The following COL10A1 variants were observed in gnomAD, a reference collection of about 807,000 sequenced individuals.
COL10A1 encodes collagen type X alpha 1 chain, also known as collagen alpha-1(X) chain.
Under a neutral mutation model 18.2 loss-of-function variants are expected in COL10A1, and 10 were observed. The observed-to-expected ratio is 0.55, with a 90% CI of 0.34 to 0.93. The LOEUF (loss-of-function observed/expected upper bound fraction) is 0.93, where lower values mean the gene tolerates loss of function less well. Among genes scored for constraint, COL10A1 ranks in the 40% least tolerant of loss-of-function variants. The pLI, the probability that COL10A1 is intolerant of heterozygous loss-of-function variation, is 0.02. For synonymous variants in COL10A1, 330 were observed against 316.6 expected (o/e 1.04, Z -0.45); for missense variants, 897 against 853.5 (o/e 1.05, Z -0.64).
At chr6:116,196,247 A>C in the COL10A1 span, among the ~76,000 whole-genome samples, 10 of 151,980 alleles carry the variant, frequency 6.6e-5, no homozygotes, top group African/African-American at 2.4e-4. Context: ...CCATTTTTTA[A>C]CTGATAGATT....
At chr6:116,194,766 G>A in the COL10A1 span, among the ~76,000 whole-genome samples, 7 of 152,136 alleles carry the variant, frequency 4.6e-5, no homozygotes, top group East Asian at 1.4e-3. Context: ...AATGACTAAA[G>A]GTAGTGGCTT....
At chr6:116,203,970 C>T in the COL10A1 span, among the ~76,000 whole-genome samples, 1 of 151,862 alleles carries the variant, frequency 6.6e-6, no homozygotes, top group Admixed American at 6.6e-5. Context: ...TGCCCTGACA[C>T]ACACACGGTG....
chr6:116,163,215 G>A (rs1240015671), upstream of COL10A1, among the ~76,000 whole-genome samples: 2 of 147,772 alleles, frequency 1.4e-5, no homozygotes, highest in Non-Finnish European at 3.0e-5. Flanking sequence ...ATTTGGCTGT[G>A]AATTCCCCTG....
At chr6:116,150,883 C>T (rs1396323717) in intron 1 of COL10A1, among the ~76,000 whole-genome samples, 2 of 151,968 alleles carry the variant, frequency 1.3e-5, no homozygotes, top group Non-Finnish European at 2.9e-5. Context: ...ATACATTGTT[C>T]ATATTTAACC....
chr6:116,200,728 G>A, the COL10A1 span, among the ~76,000 whole-genome samples: 1 of 151,888 alleles, frequency 6.6e-6, no homozygotes, highest in Non-Finnish European at 1.5e-5. Flanking sequence ...CTTATGGATC[G>A]TACTTCATCT....
At chr6:116,169,471 T>C in the COL10A1 span, among the ~76,000 whole-genome samples, 2 of 152,222 alleles carry the variant, frequency 1.3e-5, no homozygotes, top group Non-Finnish European at 2.9e-5. Context: ...CAGAATATCA[T>C]GATAGGTGCC....
chr6:116,127,253 T>C (rs1017038964), upstream of COL10A1, among the ~76,000 whole-genome samples: 10 of 152,138 alleles, frequency 6.6e-5, no homozygotes, highest in African/African-American at 2.4e-4. Context: ...GTCCTTTTTC[T>C]TTTCCCTTTC....
chr6:116,167,789 T>C, the COL10A1 span, among the ~76,000 whole-genome samples: 3 of 152,212 alleles, frequency 2.0e-5, no homozygotes, highest in Non-Finnish European at 4.4e-5. Flanking sequence ...TTGTTATGAA[T>C]AGATATGATT....
the COL10A1 span, among the ~76,000 whole-genome samples, chr6:116,168,245 G>A: frequency 6.6e-6 from 1 of 151,614 alleles, no homozygotes; most frequent in African/African-American, 2.4e-5. Flanking sequence ...TCATATTTTA[G>A]AAGATATTTT....
rs769241256 is a variant in COL10A1, at chr6:116,121,114, T to C, written c.1002A>G (p.Pro334=). The change falls in exon 3 of 3, where the codon CCA becomes CCG. Residue 334 remains proline (P), a synonymous_variant. Transcript: ENST00000651968. ...TATTCCCAGGGGGTCCAGTCAGACC[T>C]GGCTTCCCAGGAAGACCTGCTGGCC... is the stretch of plus-strand genomic sequence containing the variant. The part of the protein sequence containing the change: ...EQGPAGLPGK[P]GLTGPPGNMG... 1.7e-5 allele frequency: 28 copies of C among 1,613,594 alleles called. No individual in the cohort carries two copies. Among genetic ancestry groups the C allele is most frequent in the Admixed American group, 8.3e-5 (5 of 59,990 alleles).
At chr6:116,181,033 AT>A in the COL10A1 span, among the ~76,000 whole-genome samples, 1 of 151,976 alleles carries the variant, frequency 6.6e-6, no homozygotes, top group Non-Finnish European at 1.5e-5. Flanking sequence ...ACTTAAAGGT[AT>A]TTTGGGATGA....
At chr6:116,207,037 A>G in the COL10A1 span, among the ~76,000 whole-genome samples, 1 of 151,978 alleles carries the variant, frequency 6.6e-6, no homozygotes, top group African/African-American at 2.4e-5. Context: ...CTTATGTCAT[A>G]TGCTTTCTTA....
At chr6:116,200,523 T>C in the COL10A1 span, among the ~76,000 whole-genome samples, 1 of 152,070 alleles carries the variant, frequency 6.6e-6, no homozygotes, top group Non-Finnish European at 1.5e-5. Flanking sequence ...TTGTAATTTT[T>C]CTGTCCATCT....
At chr6:116,135,242 T>A (rs1779559583) in intron 1 of COL10A1, among the ~76,000 whole-genome samples, 2 of 152,176 alleles carry the variant, frequency 1.3e-5, no homozygotes, top group Non-Finnish European at 1.5e-5. Context: ...ATGTTATTAT[T>A]TGGGTTGTGA....
At chr6:116,154,169 A>G (rs1427333690) in intron 1 of COL10A1, among the ~76,000 whole-genome samples, 1 of 152,046 alleles carries the variant, frequency 6.6e-6, no homozygotes, top group East Asian at 1.9e-4. Context: ...ATAAGAGTCT[A>G]TTGATTTTAC....
the COL10A1 span, among the ~76,000 whole-genome samples, chr6:116,169,416 T>A: frequency 1.3e-5 from 2 of 152,240 alleles, no homozygotes; most frequent in African/African-American, 4.8e-5. Context: ...TGTCTATGCT[T>A]ACTATATTGC....
At chr6:116,177,339 A>G in the COL10A1 span, among the ~76,000 whole-genome samples, 1 of 152,152 alleles carries the variant, frequency 6.6e-6, no homozygotes, top group Non-Finnish European at 1.5e-5. Flanking sequence ...AACTTGATAG[A>G]ATATATCCAA....
chr6:116,178,094 C>T, the COL10A1 span, among the ~76,000 whole-genome samples: 9,837 of 92,704 alleles, frequency 0.11, 407 homozygotes, highest in Middle Eastern at 0.17. Context: ...TGTGTGCGCG[C>T]GCGCGCGCGT....
chr6:116,180,357 CT>C, the COL10A1 span, among the ~76,000 whole-genome samples: 2 of 151,940 alleles, frequency 1.3e-5, no homozygotes, highest in Non-Finnish European at 2.9e-5. Flanking sequence ...GACAGTTTCT[CT>C]TTATAGAAGA....
Sources: gnomAD v4.1 joint callset for allele counts (sites outside exome capture counted in the v4.1 genomes callset) on GRCh38, gnomAD v4.1.1 for gene constraint, MANE v1.5 for transcripts, NCBI Gene and HGNC (gene_info 2026-07-23, HGNC 2026-07-21) for gene names.